MRC2: variants seen among roughly 807,000 people sequenced by gnomAD.
MRC2 encodes C-type mannose receptor 2.
MRC2 carries 84 observed loss-of-function variants against 206.2 expected under a neutral mutation model. That is an observed-to-expected ratio of 0.41 (90% CI 0.34 to 0.49). The LOEUF is 0.49. Among genes scored for constraint, MRC2 ranks in the 20% least tolerant of loss-of-function variants. MRC2 has a pLI of 0.31. For synonymous variants in MRC2, 798 were observed against 800.0 expected (o/e 1.00, Z 0.04); for missense variants, 1,676 against 2,001.5 (o/e 0.84, Z 3.10).
In MRC2 at chr17:62,680,324, G is replaced by T; in HGVS notation, c.2437+16G>T. On this transcript the variant is annotated intron_variant, in intron 15 of 29. Transcript: ENST00000303375. The surrounding 1 kb of genome is among the most constrained non-coding windows in gnomAD (Gnocchi z 4.8). ...ATCCCCAGAGGTTGGCCGGAGTGGCGCTGGGGGACGCGGGATGGAGCGAAG... is the reference window on the plus strand; with the variant it reads ...ATCCCCAGAGGTTGGCCGGAGTGGCTCTGGGGGACGCGGGATGGAGCGAAG... 6.2e-7 allele frequency: 1 copy of T among 1,613,778 alleles called. No individual in the cohort carries two copies. Among genetic ancestry groups the T allele is most frequent in the South Asian group, 1.1e-5 (1 of 91,076 alleles).
chr17:62,677,488 T>C lies in MRC2; in HGVS notation c.2052+2T>C, dbSNP rs756726695. The C allele has an allele frequency of 1.0e-5, 16 of 1,588,828 alleles. No homozygotes were observed. Among genetic ancestry groups the C allele is most frequent in the East Asian group, 2.3e-5 (1 of 44,216 alleles). On this transcript the variant is annotated splice_donor_variant, in intron 12 of 29. Transcript: ENST00000303375. LOFTEE classifies it high-confidence loss of function. ...ACCAAACTCCGGTATTGCTATAAGG[T>C]AGGGCAGCCTGTTGGCCGGGTAGGG...
chr17:62,669,575 G>A (rs1447735078), intron 6 of MRC2, among the ~76,000 whole-genome samples: 6 of 151,846 alleles, frequency 4.0e-5, no homozygotes, highest in Admixed American at 2.6e-4. Context: ...TGTCGCCCAG[G>A]CTGGAGTGCA....
Position 62,675,717 on chromosome 17 carries a change from C to A in MRC2, c.1570-73C>A. The A allele has an allele frequency of 2.4e-6, 3 of 1,232,072 alleles. No homozygotes were observed. Among genetic ancestry groups the A allele is most frequent in the Non-Finnish European group, 2.4e-6 (2 of 838,412 alleles). 76.3% of individuals were successfully genotyped at this position (1,232,072 alleles called of 1,614,324 possible). ...TGATGTCCCTGATGGCATCTCCCAC[C>A]ACAGGATTTATGGGTGAGGGTGGAG... On this transcript the variant is annotated intron_variant, in intron 9 of 29. Transcript: ENST00000303375. The surrounding 1 kb of genome is among the most constrained non-coding windows in gnomAD (Gnocchi z 4.1).
At chr17:62,646,071 C>A (rs1168873032) in intron 1 of MRC2, among the ~76,000 whole-genome samples, 4 of 143,766 alleles carry the variant, frequency 2.8e-5, no homozygotes, top group Non-Finnish European at 4.5e-5. Flanking sequence ...GTTGCCCAGG[C>A]TGGAGTGCAG....
Position 62,663,031 on chromosome 17 carries a change from T to C in MRC2, c.119-1517T>C, listed in dbSNP as rs182609234. Among the ~76,000 whole-genome samples, 18 of 152,250 alleles carry C rather than the reference T, an allele frequency of 1.2e-4. No individual in the cohort carries two copies. The East Asian group carries it at 3.5e-3, about 29-fold the overall frequency. On this transcript the variant is annotated intron_variant, in intron 1 of 29. Coordinates refer to ENST00000303375, the MANE Select transcript of MRC2 (RefSeq NM_006039.5). ...AGTGGATGCAAAAGTTCTTTGGAGA[T>C]TGGATGTACTCCATATGTGTGTTGT...
Position 62,663,729 on chromosome 17 carries a change from G to C in MRC2, c.119-819G>C, listed in dbSNP as rs532650018. Among the ~76,000 whole-genome samples the C allele has an allele frequency of 2.6e-5, 4 of 152,284 alleles. No homozygotes were observed. In the South Asian group the frequency reaches 8.3e-4, roughly 32 times the overall value. ...AAATAGTTCAGGGGTGGGATGAGTG[G>C]TCTGGGAAGATCCTAGAAGAAGGAA... is the stretch of plus-strand genomic sequence containing the variant. On this transcript the variant is annotated intron_variant, in intron 1 of 29. Transcript: ENST00000303375.
At chr17:62,663,958 C>CT (rs1200787312) in intron 1 of MRC2, among the ~76,000 whole-genome samples, 8,439 of 125,258 alleles carry the variant, frequency 0.067, 951 homozygotes, top group African/African-American at 0.21. Context: ...GTTGGGTTTG[C>CT]TTTTTTTTTT....
rs1472964391 is a variant in MRC2 at position 62,689,973 on chromosome 17, G to A, written c.3653G>A (p.Gly1218Glu). 6.2e-7 allele frequency: 1 copy of A among 1,612,672 alleles called. No homozygotes were observed. Among genetic ancestry groups the A allele is most frequent in the African/African-American group, 1.3e-5 (1 of 75,066 alleles). The change falls in exon 25 of 30, where the codon GGG (glycine) becomes GAG (glutamate). Residue 1218 changes from glycine to glutamate, a missense_variant. This residue lies in a region of MRC2 where 1,354 missense variants were observed against 1,636.6 expected (regional missense o/e 0.83). Coordinates refer to ENST00000303375, the MANE Select transcript of MRC2 (RefSeq NM_006039.5). ...GWQDGEPQQP[G>E]GCTYVDVDGA... ...CAGGACGGGGAGCCGCAGCAGCCGG[G>A]GGGCTGTACCTACGTAGATGTGGAC...
chr17:62,646,882 C>T (rs578103794), intron 1 of MRC2, among the ~76,000 whole-genome samples: 1 of 152,260 alleles, frequency 6.6e-6, no homozygotes, highest in East Asian at 1.9e-4. Flanking sequence ...AAATAAAAAT[C>T]AACAGCTATC....
At position 62,692,024 on chromosome 17, in the gene MRC2, C is replaced by T. The variant is rs755493828; in HGVS notation, c.4193-88C>T. 108 of 1,583,104 alleles carry T rather than the reference C, an allele frequency of 6.8e-5. No individual in the cohort carries two copies. The highest frequency in any genetic ancestry group is 9.0e-5 in the Non-Finnish European group (104 of 1,154,446). On this transcript the variant is annotated intron_variant, in intron 28 of 29. Coordinates refer to ENST00000303375, the MANE Select transcript of MRC2 (RefSeq NM_006039.5). The surrounding 1 kb of genome is among the most constrained non-coding windows in gnomAD (Gnocchi z 4.2). ...GCCTCTTTCTCCCCAGACCTCCCGG[C>T]CCAGGCCTGTGTGCTTTGTATGTTT...
At chr17:62,638,066 T>A (rs2088348323) in intron 1 of MRC2, among the ~76,000 whole-genome samples, 1 of 152,108 alleles carries the variant, frequency 6.6e-6, no homozygotes, top group Non-Finnish European at 1.5e-5. Flanking sequence ...TCTTCCTATG[T>A]TGCCCAAGCT....
At chr17:62,645,987 C>CTATTG (rs1360459917) in intron 1 of MRC2, among the ~76,000 whole-genome samples, 1 of 150,868 alleles carries the variant, frequency 6.6e-6, no homozygotes, top group Non-Finnish European at 1.5e-5. Context: ...AACTTATCCC[C>CTATTG]TATTGGACAT....
At chr17:62,677,521 G>A in intron 12 of MRC2, 35 bp downstream of exon 12, 3 of 1,537,808 alleles carry the variant, frequency 2.0e-6, no homozygotes, top group Non-Finnish European at 2.6e-6. Context: ...GGGGGCAGGG[G>A]GAGGACAGGA....
At chr17:62,650,358 A>C (rs1378332323) in intron 1 of MRC2, among the ~76,000 whole-genome samples, 1 of 152,080 alleles carries the variant, frequency 6.6e-6, no homozygotes, top group Non-Finnish European at 1.5e-5. Context: ...GTGAGCCCAC[A>C]CCCCTCCCAG....
At chr17:62,687,944 C>G (rs144221017) in intron 20 of MRC2, among the ~76,000 whole-genome samples, 1 of 152,094 alleles carries the variant, frequency 6.6e-6, no homozygotes, top group Non-Finnish European at 1.5e-5. Context: ...TAATGGATGT[C>G]AGACAACATT....
intron 1 of MRC2, among the ~76,000 whole-genome samples, chr17:62,663,492 C>T (rs1178660000): frequency 2.0e-5 from 3 of 152,142 alleles, no homozygotes; most frequent in African/African-American, 4.8e-5. Flanking sequence ...TCCCCTTTCT[C>T]GTCACCCACA....
intron 1 of MRC2, among the ~76,000 whole-genome samples, chr17:62,641,225 C>G (rs556885268): frequency 6.7e-6 from 1 of 148,788 alleles, no homozygotes; most frequent in African/African-American, 2.5e-5. Flanking sequence ...TTTGGGAGGC[C>G]GAGGTGGGTG....
At chr17:62,650,269 A>C (rs1337635602) in intron 1 of MRC2, among the ~76,000 whole-genome samples, 1 of 152,176 alleles carries the variant, frequency 6.6e-6, no homozygotes, top group Non-Finnish European at 1.5e-5. Context: ...GCATGATACT[A>C]TATGGCCACT....
Position 62,689,703 on chromosome 17 carries a change from C to G in MRC2, c.3516C>G (p.Leu1172=). The part of the protein sequence containing the change: ...YVPDPYTQAF[L]TQAARGLRTP... The stretch of plus-strand genomic sequence containing the variant: ...CCGACCCCTACACCCAGGCCTTCCT[C>G]ACGCAGGCTGCCCGAGGGCTGCGCA... The change falls in exon 24 of 30, where the codon CTC becomes CTG. Residue 1172 remains leucine (L), a synonymous_variant. Coordinates refer to ENST00000303375, the MANE Select transcript of MRC2 (RefSeq NM_006039.5). 6.3e-7 allele frequency: 1 copy of G among 1,576,120 alleles called. No homozygotes were observed. Among genetic ancestry groups the G allele is most frequent in the Non-Finnish European group, 8.6e-7 (1 of 1,161,724 alleles).
Sources: allele counts gnomAD v4.1 joint callset (sites outside exome capture counted in the v4.1 genomes callset), GRCh38; gene constraint gnomAD v4.1.1; regional missense constraint gnomAD v4.1.1; non-coding constraint Gnocchi (gnomAD v3.1); transcripts MANE v1.5; gene names NCBI Gene and HGNC (gene_info 2026-07-23, HGNC 2026-07-21).